NALF1: variants seen among roughly 807,000 people sequenced by gnomAD.
NALF1 encodes the protein family with sequence similarity 155 member A.
Under a neutral mutation model 48.4 loss-of-function variants are expected in NALF1, and 3 were observed. That is an observed-to-expected ratio of 0.06 (90% confidence interval 0.03 to 0.16). The LOEUF is 0.16. NALF1 is among the 10% of genes least tolerant of loss of function. The probability of loss-of-function intolerance (pLI) is 1.00; values close to 1 mark genes in which losing one functional copy is unlikely to be tolerated. For missense variants in NALF1, 526 were observed against 571.5 expected, an observed-to-expected ratio of 0.92 and a Z score of 0.81; for synonymous variants, 262 against 245.7, an observed-to-expected ratio of 1.07 and a Z score of -0.62.
intron 1 of NALF1, among the ~76,000 whole-genome samples, chr13:107,780,624 G>C (rs891410970): frequency 2.0e-5 from 3 of 151,646 alleles, no homozygotes; most frequent in African/African-American, 4.8e-5. Context: ...TCAGCCTCCT[G>C]AGCAGCTGGG....
At chr13:107,457,308 T>C (rs1403824405) in intron 1 of NALF1, among the ~76,000 whole-genome samples, 5 of 152,194 alleles carry the variant, frequency 3.3e-5, no homozygotes, top group Non-Finnish European at 7.4e-5. Context: ...TTGATCTAAC[T>C]ACCTCAGTTT....
intron 1 of NALF1, among the ~76,000 whole-genome samples, chr13:107,758,069 A>G (rs1408286346): frequency 6.6e-6 from 1 of 152,206 alleles, no homozygotes; most frequent in African/African-American, 2.4e-5. Context: ...CCACCCTTCA[A>G]AAGTGACAAG....
chr13:107,417,842 C>A (rs1239064425), intron 1 of NALF1, among the ~76,000 whole-genome samples: 5 of 152,174 alleles, frequency 3.3e-5, no homozygotes, highest in African/African-American at 1.2e-4. Context: ...CAGCAGATCA[C>A]CTGAGGTCAG....
intron 1 of NALF1, among the ~76,000 whole-genome samples, chr13:107,295,462 T>G (rs1471957356): frequency 6.6e-6 from 1 of 152,210 alleles, no homozygotes; most frequent in Non-Finnish European, 1.5e-5. Flanking sequence ...TTCAGTGACA[T>G]CTCAGATTCT....
chr13:107,768,085 C>T (rs2030289068), intron 1 of NALF1, among the ~76,000 whole-genome samples: 1 of 152,096 alleles, frequency 6.6e-6, no homozygotes, highest in Non-Finnish European at 1.5e-5. Context: ...GTCTTGTGTC[C>T]TTTGGCCTGT....
chr13:107,747,409 C>T (rs1167454052), intron 1 of NALF1, among the ~76,000 whole-genome samples: 1 of 152,174 alleles, frequency 6.6e-6, no homozygotes, highest in African/African-American at 2.4e-5. Flanking sequence ...GGTTCTCATC[C>T]AGCAGTTATG....
At chr13:107,510,559 T>C (rs182694963) in intron 1 of NALF1, among the ~76,000 whole-genome samples, 257 of 152,294 alleles carry the variant, frequency 1.7e-3, no homozygotes, top group African/African-American at 5.7e-3. Context: ...TTAAAACCTG[T>C]CTAATTTAGT....
At chr13:107,788,724 T>G (rs1211073944) in intron 1 of NALF1, 2 of 152,134 alleles carry the variant, frequency 1.3e-5, no homozygotes, top group African/African-American at 4.8e-5. Flanking sequence ...CCCCAGCAGC[T>G]CATTTAGCAG....
At chr13:107,267,530 C>A (rs1049467210) in intron 1 of NALF1, among the ~76,000 whole-genome samples, 1 of 152,046 alleles carries the variant, frequency 6.6e-6, no homozygotes, top group African/African-American at 2.4e-5. Context: ...ACAGTAGAGA[C>A]CCTGTCTATG....
chr13:107,773,800 G>A (rs1477524769), intron 1 of NALF1, among the ~76,000 whole-genome samples: 1 of 151,234 alleles, frequency 6.6e-6, no homozygotes, highest in Non-Finnish European at 1.5e-5. Context: ...AATGGGTGTA[G>A]CACACCAACA....
chr13:107,328,273 TACACAC>T (rs34987619), intron 1 of NALF1, among the ~76,000 whole-genome samples: 2,181 of 144,000 alleles, frequency 0.015, 25 homozygotes, highest in East Asian at 0.041. Flanking sequence ...TCTCCTGCAA[TACACAC>T]ACACACACAC....
chr13:107,516,600 T>C (rs1348669900), intron 1 of NALF1, among the ~76,000 whole-genome samples: 1 of 152,000 alleles, frequency 6.6e-6, no homozygotes, highest in African/African-American at 2.4e-5. Context: ...TTGTAGCAGT[T>C]AGCAATTGCA....
intron 1 of NALF1, among the ~76,000 whole-genome samples, chr13:107,823,959 T>G (rs1299856197): frequency 6.7e-6 from 1 of 149,664 alleles, no homozygotes; most frequent in Non-Finnish European, 1.5e-5. Flanking sequence ...CTAGAAAATT[T>G]TCAATATTAC....
chr13:107,523,646 C>G (rs1876326326), intron 1 of NALF1, among the ~76,000 whole-genome samples: 1 of 151,504 alleles, frequency 6.6e-6, no homozygotes, highest in Non-Finnish European at 1.5e-5. Context: ...AGATTGCCTT[C>G]TTAAGGGTGG....
chr13:107,516,423 T>C (rs758710841), intron 1 of NALF1, among the ~76,000 whole-genome samples: 6 of 152,190 alleles, frequency 3.9e-5, no homozygotes, highest in Non-Finnish European at 8.8e-5. Context: ...TGTGAGGAAG[T>C]TGACTTTAAA....
chr13:107,289,137 A>G (rs767299735), intron 1 of NALF1, among the ~76,000 whole-genome samples: 4 of 152,168 alleles, frequency 2.6e-5, no homozygotes, highest in East Asian at 1.9e-4. Context: ...CCTTTGCTTT[A>G]GAGAGTTTTC....
intron 1 of NALF1, among the ~76,000 whole-genome samples, chr13:107,256,142 T>C (rs1880809486): frequency 6.6e-6 from 1 of 152,348 alleles, no homozygotes; most frequent in South Asian, 2.1e-4. Flanking sequence ...AGTTAAATTA[T>C]ATAAATTTAG....
At chr13:107,212,193 G>A (rs796285116) in intron 1 of NALF1, among the ~76,000 whole-genome samples, 2 of 152,108 alleles carry the variant, frequency 1.3e-5, no homozygotes, top group African/African-American at 2.4e-5. Flanking sequence ...TCAAAATGAC[G>A]CTTTATTCTG....
At chr13:107,470,569 A>G (rs552222819) in intron 1 of NALF1, among the ~76,000 whole-genome samples, 2 of 152,314 alleles carry the variant, frequency 1.3e-5, no homozygotes, top group East Asian at 3.9e-4. Flanking sequence ...AGAAATAGTC[A>G]CACAAATACA....
Sources: gnomAD v4.1 joint callset for allele counts (sites outside exome capture counted in the v4.1 genomes callset) on GRCh38, gnomAD v4.1.1 for gene constraint, MANE v1.5 for transcripts, NCBI Gene and HGNC (gene_info 2026-07-23, HGNC 2026-07-21) for gene names.